RARB: variants seen among roughly 807,000 people sequenced by gnomAD.
The protein encoded by RARB is retinoic acid receptor beta.
RARB carries 17 observed loss-of-function variants against 51.9 expected under a neutral mutation model. The ratio of observed to expected loss-of-function variants is 0.33; its 90% CI spans 0.22 to 0.49. The LOEUF is 0.49. RARB is among the 20% of genes least tolerant of loss of function. RARB has a pLI of 0.99. For synonymous variants in RARB, 215 were observed against 195.4 expected, an observed-to-expected ratio of 1.10 and a Z score of -0.84; for missense variants, 369 against 550.8, an observed-to-expected ratio of 0.67 and a Z score of 3.30.
At chr3:25,228,173 C>T (rs1702096188) in intron 5 of RARB, among the ~76,000 whole-genome samples, 1 of 145,980 alleles carries the variant, frequency 6.9e-6, no homozygotes, top group Non-Finnish European at 1.5e-5. Flanking sequence ...AGATACAGAA[C>T]TTCCTTTTTC....
intron 5 of RARB, among the ~76,000 whole-genome samples, chr3:25,203,442 A>T (rs569574380): frequency 7.0e-4 from 107 of 152,198 alleles, no homozygotes; most frequent in Non-Finnish European, 1.2e-3. Flanking sequence ...TTTAAGGTTA[A>T]TATTGTTATG....
intron 2 of RARB, among the ~76,000 whole-genome samples, chr3:25,486,695 G>T (rs944112534): frequency 1.3e-5 from 2 of 152,182 alleles, no homozygotes; most frequent in African/African-American, 4.8e-5. Flanking sequence ...GAGTTTGGAA[G>T]GGTCTTTTAA....
intron 2 of RARB, among the ~76,000 whole-genome samples, chr3:24,866,149 C>G (rs1334398531): frequency 2.0e-5 from 3 of 152,084 alleles, no homozygotes; most frequent in African/African-American, 7.2e-5. Context: ...GTTCAATTCC[C>G]TTCACACCTG....
At chr3:25,353,784 C>T (rs1559368803) in intron 5 of RARB, among the ~76,000 whole-genome samples, 1 of 152,038 alleles carries the variant, frequency 6.6e-6, no homozygotes, top group East Asian at 1.9e-4. Flanking sequence ...ATAGGCCCAG[C>T]GGTCTTTGAC....
intron 4 of RARB, among the ~76,000 whole-genome samples, chr3:25,156,441 C>T (rs1402766343): frequency 7.3e-6 from 1 of 137,542 alleles, no homozygotes; most frequent in African/African-American, 2.7e-5. Context: ...ATTGACATCA[C>T]TAGTGAATGC....
chr3:25,227,911 C>T (rs972596233), intron 5 of RARB, among the ~76,000 whole-genome samples: 2 of 151,976 alleles, frequency 1.3e-5, no homozygotes, highest in South Asian at 2.1e-4. Context: ...TGACTGAACC[C>T]GTGTCTGGGT....
chr3:25,411,905 A>C (rs1707571788), intron 5 of RARB, among the ~76,000 whole-genome samples: 1 of 152,216 alleles, frequency 6.6e-6, no homozygotes, highest in African/African-American at 2.4e-5. Context: ...GGGGCAGTGC[A>C]ACAGGCCATG....
chr3:25,230,933 C>T (rs572177933), intron 5 of RARB, among the ~76,000 whole-genome samples: 7 of 152,172 alleles, frequency 4.6e-5, no homozygotes, highest in African/African-American at 1.7e-4. Flanking sequence ...AGTTGGTCTT[C>T]TATAAGATTC....
At chr3:25,256,202 T>C (rs557628983) in intron 5 of RARB, among the ~76,000 whole-genome samples, 12 of 152,286 alleles carry the variant, frequency 7.9e-5, no homozygotes, top group Admixed American at 1.3e-4. Flanking sequence ...TGCACTGTTA[T>C]AGAAGCAGAT....
At chr3:25,241,013 T>C (rs1430364189) in intron 5 of RARB, among the ~76,000 whole-genome samples, 1 of 152,216 alleles carries the variant, frequency 6.6e-6, no homozygotes, top group African/African-American at 2.4e-5. Flanking sequence ...TTACTTCTTG[T>C]TGGTCTGTTC....
chr3:24,951,065 C>A (rs559137686), intron 2 of RARB, among the ~76,000 whole-genome samples: 1 of 152,224 alleles, frequency 6.6e-6, no homozygotes, highest in South Asian at 2.1e-4. Flanking sequence ...GGGAGTACTT[C>A]CCTCTGGAGA....
intron 5 of RARB, among the ~76,000 whole-genome samples, chr3:25,313,060 T>A (rs1704328858): frequency 6.6e-6 from 1 of 152,240 alleles, no homozygotes; most frequent in South Asian, 2.1e-4. Flanking sequence ...ACTTTCCATG[T>A]TAAGGCTTCC....
At chr3:25,491,974 T>C (rs1390136793) in intron 2 of RARB, among the ~76,000 whole-genome samples, 1 of 152,208 alleles carries the variant, frequency 6.6e-6, no homozygotes, top group Non-Finnish European at 1.5e-5. Context: ...TTATTTTGAA[T>C]TTTAAGACAG....
At chr3:25,182,380 G>C (rs546811130) in intron 5 of RARB, among the ~76,000 whole-genome samples, 1 of 152,176 alleles carries the variant, frequency 6.6e-6, no homozygotes, top group Non-Finnish European at 1.5e-5. Flanking sequence ...TGGGAACAGC[G>C]ATATGCAGAA....
chr3:24,959,587 C>T (rs138270587), intron 2 of RARB, among the ~76,000 whole-genome samples: 159 of 152,340 alleles, frequency 1.0e-3, no homozygotes, highest in African/African-American at 3.6e-3. Context: ...AAAGTTCTCA[C>T]ATGGGGCTGA....
intron 3 of RARB, among the ~76,000 whole-genome samples, chr3:25,078,534 A>ATTTT (rs56349106): frequency 1.6e-4 from 22 of 141,318 alleles, no homozygotes; most frequent in Admixed American, 2.1e-4. Flanking sequence ...CCAACTTTCT[A>ATTTT]TTTTTTTTTT....
intron 2 of RARB, among the ~76,000 whole-genome samples, chr3:25,474,355 G>T (rs1575438845): frequency 6.6e-6 from 1 of 152,236 alleles, no homozygotes; most frequent in Non-Finnish European, 1.5e-5. Flanking sequence ...TGCGATTATG[G>T]TCATGTTTTC....
chr3:25,582,501 A>G (rs966367508), intron 5 of RARB, among the ~76,000 whole-genome samples: 2 of 151,912 alleles, frequency 1.3e-5, no homozygotes, highest in Non-Finnish European at 2.9e-5. Context: ...TCTTTTGTCT[A>G]GTTGCCAGAT....
chr3:25,137,948 C>T lies in RARB; in HGVS notation c.-280+5740C>T, dbSNP rs2125335851. Among the ~76,000 whole-genome samples the T allele has an allele frequency of 2.0e-5, 3 of 152,218 alleles. No homozygotes were observed. In the South Asian group the frequency reaches 6.2e-4, roughly 32 times the overall value. ...CAGAGCTCTCTGAAATAGCCATTGT[C>T]TACACAAGAGTAAAGATCCTCAAAA... On this transcript the variant is annotated intron_variant, in intron 4 of 11. Coordinates refer to the RARB transcript ENST00000383772.
Sources: gnomAD v4.1 joint callset for allele counts (sites outside exome capture counted in the v4.1 genomes callset) on GRCh38, gnomAD v4.1.1 for gene constraint, MANE v1.5 for transcripts, NCBI Gene and HGNC (gene_info 2026-07-23, HGNC 2026-07-21) for gene names.